Variants in PLOD1 observed in about 807,000 individuals in gnomAD.
PLOD1 encodes lysine hydroxylase.
A neutral mutation model predicts 94.7 loss-of-function variants in PLOD1; 70 were observed. The ratio of observed to expected loss-of-function variants is 0.74; its 90% CI spans 0.61 to 0.90. The LOEUF (loss-of-function observed/expected upper bound fraction) is 0.90. PLOD1 is among the 40% of genes least tolerant of loss of function. PLOD1 has a pLI of 0.00. For missense variants in PLOD1, 905 were observed against 972.7 expected (o/e 0.93, Z 0.93); for synonymous variants, 417 against 400.2 (o/e 1.04, Z -0.50).
At chr1:11,943,056 G>A (rs554196835) in intron 1 of PLOD1, among the ~76,000 whole-genome samples, 2 of 151,994 alleles carry the variant, frequency 1.3e-5, no homozygotes, top group Admixed American at 6.6e-5. Context: ...GCATTATCTC[G>A]GCTCACTGCA....
At chr1:11,941,809 C>T (rs527636826) in intron 1 of PLOD1, among the ~76,000 whole-genome samples, 4 of 152,008 alleles carry the variant, frequency 2.6e-5, no homozygotes, top group South Asian at 2.1e-4. Flanking sequence ...CATGCACCAC[C>T]GTATAACTTG....
intron 16 of PLOD1, among the ~76,000 whole-genome samples, chr1:11,970,086 CAA>C (rs145535439): frequency 3.2e-5 from 4 of 125,962 alleles, no homozygotes; most frequent in Non-Finnish European, 3.4e-5. Context: ...ACTAAAAATA[CAA>C]AAAAAAAAAA....
chr1:11,944,618 C>T lies in PLOD1; in HGVS notation c.77-3358C>T, dbSNP rs534978828. The T allele has an allele frequency of 2.3e-3, 3,146 of 1,364,866 alleles. 3 individuals are homozygous for T. The highest frequency in any genetic ancestry group is 2.8e-3 in the Non-Finnish European group (2,823 of 1,021,106). The allele number at this position is 1,364,866 out of a possible 1,614,324, so 84.5% of individuals were successfully genotyped here. A position where few individuals can be genotyped will look rare whatever the true frequency, so the allele number is the denominator to read the frequency against. On this transcript the variant is annotated intron_variant, in intron 1 of 18. Transcript: ENST00000196061. ...CTGGCAGGAGCTCGGGGGAGCCCTTCCCCAAGTGTGAGCAGCATCCCTCGT... is the reference window on the plus strand; with the variant it reads ...CTGGCAGGAGCTCGGGGGAGCCCTTTCCCAAGTGTGAGCAGCATCCCTCGT...
In PLOD1 at chr1:11,958,522, G is replaced by A. The variant is rs1207198747; in HGVS notation, c.850G>A (p.Ala284Thr). The part of the protein sequence containing the change: ...LRSLKGIGDE[A>T]LPTVLVGVFI... ...GCCGCCCTCCCTGGTGCAGGATGAA[G>A]CTCTGCCCACGGTCCTGGTCGGCGT... The change falls in exon 9 of 19, where the codon GCT becomes ACT. Residue 284 changes from alanine to threonine, a missense_variant. Physicochemically the swap from Ala to Thr is moderately conservative, Grantham distance 58 (BLOSUM62 0). Coordinates refer to ENST00000196061, the MANE Select transcript of PLOD1 (RefSeq NM_000302.4). The surrounding 1 kb of genome is among the most constrained non-coding windows in gnomAD (Gnocchi z 4.3). 1 of 1,613,614 alleles carries A rather than the reference G, an allele frequency of 6.2e-7. No homozygotes were observed. The highest frequency in any genetic ancestry group is 2.2e-5 in the East Asian group (1 of 44,890).
At position 11,967,011 on chromosome 1, in the gene PLOD1, C is replaced by T. The variant is rs576500420; in HGVS notation, c.1675C>T (p.Pro559Ser). The T allele has an allele frequency of 6.2e-7, 1 of 1,613,738 alleles. No homozygotes were observed. The highest frequency in any genetic ancestry group is 1.1e-5 in the South Asian group (1 of 91,070). The part of the protein sequence containing the change: ...ETPCPDVYWF[P>S]IFTEVACDEL... Reference sequence around the variant, plus strand: ...GCCCTGCCCGGATGTCTATTGGTTCCCCATCTTCACGGAGGTGGCCTGTGA... The same window carrying T: ...GCCCTGCCCGGATGTCTATTGGTTCTCCATCTTCACGGAGGTGGCCTGTGA... Residue 559 changes from proline to serine, a missense_variant, in exon 16 of 19, where the codon CCC (proline) becomes TCC (serine). By Grantham distance (74) the Pro-to-Ser change is moderately conservative. Coordinates refer to ENST00000196061, the MANE Select transcript of PLOD1 (RefSeq NM_000302.4).
At position 11,938,491 on chromosome 1, in the gene PLOD1, TAG is replaced by T. The variant is rs144832829; in HGVS notation, c.76+3637_76+3638del. 9.5e-3 allele frequency among the ~76,000 whole-genome samples: 1,451 copies of T among 152,204 alleles called. 23 individuals carry two copies. Among genetic ancestry groups the T allele is most frequent in the African/African-American group, 0.033 (1,380 of 41,522 alleles). ...CCAGACCCAGCTGAGGTGTGACCTT[TAG>T]CCAGCTGGACAGGAGGACAGAGTGG... On this transcript the variant is annotated intron_variant, in intron 1 of 18. Coordinates refer to ENST00000196061, the MANE Select transcript of PLOD1 (RefSeq NM_000302.4).
At chr1:11,974,560 G>A in intron 18 of PLOD1, 93 bp from the exon 19 acceptor site, 1 of 1,280,236 alleles carries the variant, frequency 7.8e-7, no homozygotes, top group Non-Finnish European at 1.1e-6. Flanking sequence ...AGGCAGTGCT[G>A]AGGGCCACTT....
chr1:11,956,881 C>A, intron 6 of PLOD1, 36 bp from the exon 7 acceptor site: 1 of 1,436,442 alleles, frequency 7.0e-7, no homozygotes, highest in South Asian at 1.1e-5. Flanking sequence ...ACCTCTGGGT[C>A]TGATGCTGGG....
chr1:11,974,609 A>AG, intron 18 of PLOD1, 44 bp from the exon 19 acceptor site: 1 of 1,581,102 alleles, frequency 6.3e-7, no homozygotes, highest in Non-Finnish European at 8.7e-7. Flanking sequence ...ACAGACGGGC[A>AG]GGGGGGCGGT....
At chr1:11,965,856 G>A (rs112357177) in intron 14 of PLOD1, among the ~76,000 whole-genome samples, 2 of 152,194 alleles carry the variant, frequency 1.3e-5, no homozygotes, top group African/African-American at 4.8e-5. Flanking sequence ...CTGGGACTTA[G>A]TTGAGCCTTC....
chr1:11,973,000 G>A lies in PLOD1; in HGVS notation c.2028+3G>A, dbSNP rs1197044678. ...ACCGAGTCGGGGTGGATTACGAGGTGAGCAGGAGCCAGCCGGGGTCAAGGG... is the reference window on the plus strand; with the variant it reads ...ACCGAGTCGGGGTGGATTACGAGGTAAGCAGGAGCCAGCCGGGGTCAAGGG... On this transcript the variant is annotated splice_donor_region_variant and intron_variant, in intron 18 of 18. Transcript: ENST00000196061. This position sits in a 1 kb window ranked among gnomAD's most constrained non-coding sequence, Gnocchi z 4.6. 3 of 1,613,924 alleles carry A rather than the reference G, an allele frequency of 1.9e-6. No homozygotes were observed. Among genetic ancestry groups the A allele is most frequent in the Admixed American group, 1.7e-5 (1 of 59,994 alleles).
rs992278231 is a variant in PLOD1, at chr1:11,958,601, G to A, written c.929G>A (p.Arg310Gln). Residue 310 changes from arginine to glutamine, a missense_variant, in exon 9 of 19, where the codon CGG (arginine) becomes CAG (glutamine). Transcript: ENST00000196061. The surrounding 1 kb of genome is among the most constrained non-coding windows in gnomAD (Gnocchi z 4.3). ...FVSLFFQRLL[R>Q]LHYPQKHMRL... ...TCCCTGTTCTTCCAGCGGCTCCTGCGGCTCCACTACCCCCAGAAACACATG... is the reference window on the plus strand; with the variant it reads ...TCCCTGTTCTTCCAGCGGCTCCTGCAGCTCCACTACCCCCAGAAACACATG... 3.2e-5 allele frequency: 52 copies of A among 1,613,920 alleles called. No individual in the cohort carries two copies. Among genetic ancestry groups the A allele is most frequent in the Non-Finnish European group, 3.9e-5 (46 of 1,180,030 alleles).
Position 11,965,613 on chromosome 1 carries a change from A to C in PLOD1, c.1584+20A>C. The C allele has an allele frequency of 6.8e-7, 1 of 1,476,238 alleles. No homozygotes were observed. Among genetic ancestry groups the C allele is most frequent in the Non-Finnish European group, 9.5e-7 (1 of 1,054,750 alleles). The allele number at this position is 1,476,238 out of a possible 1,614,324, so 91.4% of individuals were successfully genotyped here. A position where few individuals can be genotyped will look rare whatever the true frequency, so the allele number is the denominator to read the frequency against. On this transcript the variant is annotated intron_variant, in intron 14 of 18. Coordinates refer to ENST00000196061, the MANE Select transcript of PLOD1 (RefSeq NM_000302.4). The stretch of plus-strand genomic sequence containing the variant: ...CCCGAGGTGAGGCCAGGGTGGGCAC[A>C]TAGGGGCTGGGAGCAAAGGGGCCCA...
intron 4 of PLOD1, among the ~76,000 whole-genome samples, chr1:11,951,382 A>G (rs1057338172): frequency 1.2e-4 from 18 of 150,824 alleles, no homozygotes; most frequent in African/African-American, 4.4e-4. Flanking sequence ...CCTGGCCAAC[A>G]TGGCGAAACC....
intron 9 of PLOD1, among the ~76,000 whole-genome samples, chr1:11,960,102 C>A (rs1811858): frequency 6.6e-6 from 1 of 151,244 alleles, no homozygotes; most frequent in Non-Finnish European, 1.5e-5. Context: ...CTCCCGAGTA[C>A]CTGGAATTAC....
intron 1 of PLOD1, among the ~76,000 whole-genome samples, chr1:11,940,697 G>A (rs1645609459): frequency 6.6e-6 from 1 of 152,198 alleles, no homozygotes; most frequent in South Asian, 2.1e-4. Context: ...AGGTGGGGAG[G>A]GCTGAGAGCT....
At chr1:11,934,898 G>C in intron 1 of PLOD1, 43 bp downstream of exon 1, 2 of 1,527,176 alleles carry the variant, frequency 1.3e-6, no homozygotes, top group Non-Finnish European at 1.8e-6. Flanking sequence ...GATCCGGGCG[G>C]GAGGGCTGGT....
chr1:11,958,490 C>A lies in PLOD1; in HGVS notation c.844-26C>A, dbSNP rs1467501598. On this transcript the variant is annotated intron_variant, in intron 8 of 18. Transcript: ENST00000196061. The surrounding 1 kb of genome is among the most constrained non-coding windows in gnomAD (Gnocchi z 4.3). ...AGTGCTGTGACTGGACACTGCTGGA[C>A]TCTTGTGCCGCCCTCCCTGGTGCAG... The A allele has an allele frequency of 5.0e-6, 8 of 1,612,546 alleles. No individual in the cohort carries two copies. The highest frequency in any genetic ancestry group is 1.1e-5 in the South Asian group (1 of 90,834).
At chr1:11,954,310 CAAAA>C (rs754503001) in intron 5 of PLOD1, 5,255 of 158,638 alleles carry the variant, frequency 0.033, no homozygotes, top group Middle Eastern at 0.042. Context: ...CCATCTCTAG[CAAAA>C]AAAAAAAAAA....
Sources: allele counts gnomAD v4.1 joint callset (sites outside exome capture counted in the v4.1 genomes callset), GRCh38; gene constraint gnomAD v4.1.1; non-coding constraint Gnocchi (gnomAD v3.1); transcripts MANE v1.5; gene names NCBI Gene and HGNC (gene_info 2026-07-23, HGNC 2026-07-21).